SLC24A3: variants seen among roughly 807,000 people sequenced by gnomAD.
The protein encoded by SLC24A3 is solute carrier family 24 member 3.
In SLC24A3, 28 loss-of-function variants were observed where a neutral mutation model predicts 75.8. The observed-to-expected ratio is 0.37, with a 90% confidence interval of 0.27 to 0.51. The LOEUF (loss-of-function observed/expected upper bound fraction) is 0.51. Among genes scored for constraint, SLC24A3 ranks in the 20% least tolerant of loss-of-function variants. The pLI, the probability that SLC24A3 is intolerant of heterozygous loss-of-function variation, is 0.94. For synonymous variants in SLC24A3, 372 were observed against 334.1 expected (o/e 1.11, Z -1.24); for missense variants, 663 against 847.8 (o/e 0.78, Z 2.71).
At chr20:19,481,365 G>C (rs750991524) in intron 2 of SLC24A3, among the ~76,000 whole-genome samples, 11 of 152,148 alleles carry the variant, frequency 7.2e-5, no homozygotes, top group Non-Finnish European at 1.5e-4. Context: ...AAGTGTATGA[G>C]GCCACAGCCA....
chr20:19,289,177 C>A (rs1157092692), intron 2 of SLC24A3, among the ~76,000 whole-genome samples: 1 of 152,086 alleles, frequency 6.6e-6, no homozygotes, highest in Non-Finnish European at 1.5e-5. Context: ...AGGTACTCTC[C>A]CCTCCTCCTG....
chr20:19,612,607 A>AGTGTATGTGT (rs2031684417), intron 6 of SLC24A3, among the ~76,000 whole-genome samples: 2 of 146,938 alleles, frequency 1.4e-5, no homozygotes, highest in South Asian at 4.5e-4. Context: ...CCTTAAGAAA[A>AGTGTATGTGT]GTGTGTGTGT....
At chr20:19,241,673 C>T (rs1396815085) in intron 1 of SLC24A3, among the ~76,000 whole-genome samples, 3 of 152,206 alleles carry the variant, frequency 2.0e-5, no homozygotes, top group Non-Finnish European at 4.4e-5. Context: ...CTTCAGTCTG[C>T]GTCAGTGGTG....
chr20:19,706,698 A>G (rs771379425), intron 15 of SLC24A3, among the ~76,000 whole-genome samples: 3 of 152,108 alleles, frequency 2.0e-5, no homozygotes, highest in African/African-American at 4.8e-5. Context: ...TGGAAAGAAT[A>G]AAGGGTACAT....
chr20:19,463,680 A>G (rs531184777), intron 2 of SLC24A3, among the ~76,000 whole-genome samples: 1 of 152,192 alleles, frequency 6.6e-6, no homozygotes, highest in East Asian at 1.9e-4. Context: ...CAGGATGTGC[A>G]CACAGGAGCC....
intron 6 of SLC24A3, among the ~76,000 whole-genome samples, chr20:19,647,404 A>G (rs1409997617): frequency 6.6e-6 from 1 of 152,214 alleles, no homozygotes; most frequent in African/African-American, 2.4e-5. Context: ...ACATTTATTC[A>G]ACAAATTTGT....
intron 1 of SLC24A3, among the ~76,000 whole-genome samples, chr20:19,229,086 CTG>C (rs768325189): frequency 6.6e-5 from 10 of 152,112 alleles, no homozygotes; most frequent in Non-Finnish European, 1.2e-4. Context: ...TGATACTTTT[CTG>C]TGTGGGTAAT....
intron 1 of SLC24A3, among the ~76,000 whole-genome samples, chr20:19,261,419 G>A (rs1186851056): frequency 6.6e-6 from 1 of 152,164 alleles, no homozygotes; most frequent in African/African-American, 2.4e-5. Flanking sequence ...ACAGCTCACT[G>A]CAGCCTCGAA....
intron 4 of SLC24A3, among the ~76,000 whole-genome samples, 176 bp downstream of exon 4, chr20:19,580,250 C>T (rs553889552): frequency 3.9e-4 from 60 of 152,212 alleles, no homozygotes; most frequent in Non-Finnish European, 4.9e-4. Context: ...AAAGTGTCAT[C>T]GGTCTACTGA....
At chr20:19,507,537 C>T (rs1959656924) in intron 2 of SLC24A3, among the ~76,000 whole-genome samples, 1 of 152,206 alleles carries the variant, frequency 6.6e-6, no homozygotes, top group South Asian at 2.1e-4. Context: ...ACATTGCATC[C>T]TGATGTACCT....
At chr20:19,633,603 C>A (rs1227870324) in intron 6 of SLC24A3, among the ~76,000 whole-genome samples, 2 of 148,296 alleles carry the variant, frequency 1.3e-5, no homozygotes, top group African/African-American at 2.5e-5. Context: ...GAGCCGAGAT[C>A]CCGCCACTGC....
chr20:19,508,101 C>T (rs1165133282), intron 2 of SLC24A3, among the ~76,000 whole-genome samples: 2 of 152,166 alleles, frequency 1.3e-5, no homozygotes, highest in African/African-American at 2.4e-5. Flanking sequence ...GCAGGGAAGG[C>T]TTTGTGAGAA....
At chr20:19,590,413 C>A (rs1213576719) in intron 6 of SLC24A3, among the ~76,000 whole-genome samples, 1 of 152,030 alleles carries the variant, frequency 6.6e-6, no homozygotes, top group Admixed American at 6.6e-5. Flanking sequence ...TGAGATGCAT[C>A]CAGATTTTCC....
chr20:19,648,484 G>A lies in SLC24A3; in HGVS notation c.613-5578G>A, dbSNP rs549068382. On this transcript the variant is annotated intron_variant, in intron 6 of 16. Coordinates refer to ENST00000328041, the MANE Select transcript of SLC24A3 (RefSeq NM_020689.4). The stretch of plus-strand genomic sequence containing the variant: ...TTTTTAAAGCAAATACTCACAAATC[G>A]AGAATATTTGTGCCTTTTTAAATGT... Among the ~76,000 whole-genome samples the A allele has an allele frequency of 1.6e-4, 23 of 147,936 alleles. No individual in the cohort carries two copies. The South Asian group carries it at 3.6e-3, about 23-fold the overall frequency.
rs536660957 is a variant in SLC24A3 at position 19,661,446 on chromosome 20, G to A, written c.688-4418G>A. On this transcript the variant is annotated intron_variant, in intron 7 of 16. Coordinates refer to ENST00000328041, the MANE Select transcript of SLC24A3 (RefSeq NM_020689.4). The stretch of plus-strand genomic sequence containing the variant: ...AAATCACCATGGCCTTAGCTAAGCC[G>A]TCTGCACCCCCACCCAAGAGCTGAA... Among the ~76,000 whole-genome samples the A allele has an allele frequency of 2.9e-3, 447 of 152,210 alleles. 4 individuals are homozygous for A. Among genetic ancestry groups the A allele is most frequent in the Non-Finnish European group, 3.5e-3 (235 of 68,018 alleles).
chr20:19,390,227 G>A (rs1411669797), intron 2 of SLC24A3, among the ~76,000 whole-genome samples: 1 of 152,064 alleles, frequency 6.6e-6, no homozygotes, highest in African/African-American at 2.4e-5. Context: ...ATATTTTGAG[G>A]TCAGCTAATG....
intron 2 of SLC24A3, among the ~76,000 whole-genome samples, chr20:19,477,814 C>G (rs540742251): frequency 3.3e-5 from 5 of 152,192 alleles, no homozygotes; most frequent in African/African-American, 9.7e-5. Context: ...CCTACTGACT[C>G]TACCCTGTGT....
chr20:19,218,333 G>C (rs185178120), intron 1 of SLC24A3, among the ~76,000 whole-genome samples: 1 of 152,174 alleles, frequency 6.6e-6, no homozygotes, highest in African/African-American at 2.4e-5. Flanking sequence ...TCATGGGATA[G>C]CACTGAGCTG....
chr20:19,549,103 G>A (rs1544077), intron 3 of SLC24A3, among the ~76,000 whole-genome samples: 1 of 151,940 alleles, frequency 6.6e-6, no homozygotes, highest in African/African-American at 2.4e-5. Context: ...GGTCTTTATG[G>A]ACCAAGCCTG....
Sources: allele counts gnomAD v4.1 joint callset (sites outside exome capture counted in the v4.1 genomes callset), GRCh38; gene constraint gnomAD v4.1.1; transcripts MANE v1.5; gene names NCBI Gene and HGNC (gene_info 2026-07-23, HGNC 2026-07-21).